Variants in RPL27 observed in about 807,000 individuals in gnomAD.
RPL27 encodes ribosomal protein L27.
For missense variants in RPL27, 131 were observed against 174.3 expected (o/e 0.75, Z 1.40); for synonymous variants, 77 against 61.0 (o/e 1.26, Z -1.22).
intron 2 of RPL27, chr17:42,999,667 G>T: frequency 4.9e-6 from 2 of 408,998 alleles, no homozygotes; most frequent in Non-Finnish European, 9.0e-6. Context: ...GCAGTGCTTG[G>T]CATATAGCAA....
chr17:42,999,120 A>G (rs545157924), intron 2 of RPL27: 77 of 382,130 alleles, frequency 2.0e-4, no homozygotes, highest in Non-Finnish European at 3.4e-4. Context: ...AGGTATTGTC[A>G]TGTGCAGTCC....
Sources: allele counts gnomAD v4.1 joint callset, GRCh38; gene constraint gnomAD v4.1.1; transcripts MANE v1.5; gene names NCBI Gene and HGNC (gene_info 2026-07-23, HGNC 2026-07-21).